Variants in KMT2B observed in about 807,000 individuals in gnomAD.
The protein encoded by KMT2B is histone-lysine N-methyltransferase 2B.
KMT2B carries 22 observed loss-of-function variants against 255.3 expected under a neutral mutation model. The observed-to-expected ratio is 0.09, with a 90% CI of 0.06 to 0.12. The LOEUF (loss-of-function observed/expected upper bound fraction) is 0.12. Ranked by LOEUF, KMT2B falls within the 10% of genes least tolerant of loss-of-function variation. The pLI, the probability that KMT2B is intolerant of heterozygous loss-of-function variation, is 1.00. For synonymous variants in KMT2B, 1,730 were observed against 1,498.1 expected, an observed-to-expected ratio of 1.15 and a Z score of -3.57; for missense variants, 3,149 against 3,737.0, an observed-to-expected ratio of 0.84 and a Z score of 4.10.
At position 35,720,088 on chromosome 19, in the gene KMT2B, C is replaced by T. The variant is rs752385165; in HGVS notation, c.741C>T (p.Ile247=). 1.2e-5 allele frequency: 20 copies of T among 1,604,066 alleles called. No homozygotes were observed. In the East Asian group the frequency reaches 3.6e-4, roughly 29 times the overall value. Residue 247 remains isoleucine, a synonymous_variant, in exon 3 of 37, where the codon ATC becomes ATT. Coordinates refer to ENST00000420124, the MANE Select transcript of KMT2B (RefSeq NM_014727.3). Reference sequence around the variant, plus strand: ...TGGTGGCAGAAGCAGCTGTGACAATCCCCAAACCTGAGCCCCCACCTCCTG... The same window carrying T: ...TGGTGGCAGAAGCAGCTGTGACAATTCCCAAACCTGAGCCCCCACCTCCTG... ...AVVVAEAAVT[I]PKPEPPPPVV... is the part of the protein sequence containing the mutation.
In KMT2B at chr19:35,721,161, G is replaced by A; in HGVS notation, c.1814G>A (p.Arg605Lys). The change falls in exon 3 of 37, where the codon AGG becomes AAG. Residue 605 changes from arginine (R) to lysine (K), a missense_variant. Arg to Lys is a conservative substitution (Grantham distance 26). Transcript: ENST00000420124. ...PLPEKRRSIL[R>K]EPTFRWTSLT... is the part of the protein sequence containing the mutation. ...CCTGAGAAGAGACGGTCCATCCTAAGGGAACCCACATTTCGCTGGACCTCA... is the reference window on the plus strand; with the variant it reads ...CCTGAGAAGAGACGGTCCATCCTAAAGGAACCCACATTTCGCTGGACCTCA... The A allele has an allele frequency of 1.3e-6, 2 of 1,583,282 alleles. No individual in the cohort carries two copies. The highest frequency in any genetic ancestry group is 1.7e-6 in the Non-Finnish European group (2 of 1,166,310).
At chr19:35,726,680 C>A (rs1319252388) in intron 14 of KMT2B, among the ~76,000 whole-genome samples, 1 of 152,120 alleles carries the variant, frequency 6.6e-6, no homozygotes, top group Non-Finnish European at 1.5e-5. Flanking sequence ...TCTGCAGAGT[C>A]TGAAAAGAGG....
In KMT2B at chr19:35,732,353, C is replaced by A. The variant is rs888916696; in HGVS notation, c.5804C>A (p.Thr1935Asn). 2.7e-5 allele frequency: 43 copies of A among 1,612,170 alleles called. No homozygotes were observed. The highest frequency in any genetic ancestry group is 3.6e-5 in the Non-Finnish European group (42 of 1,179,224). Residue 1935 changes from threonine to asparagine, a missense_variant, in exon 28 of 37, where the codon ACC (threonine) becomes AAC (asparagine). Transcript: ENST00000420124. ...CGGTGGGCCTCCCCTCCTCTAAAAA[C>A]CTCCCCTCAGCTCAGGGTGCCCCCT... ...PSRWASPPLKTSPQLRVPPPT... is the reference protein window; with the variant it reads ...PSRWASPPLKNSPQLRVPPPT...
In KMT2B at chr19:35,735,521, T is replaced by G. The variant is rs77487531; in HGVS notation, c.7160-1169T>G. ...CGGGACCCTGGCCTTGACTTCTGTG[T>G]ATGCTCACTCCCAGGGGCTCCCTTC... On this transcript the variant is annotated intron_variant, in intron 30 of 36. Transcript: ENST00000420124. 7.8e-3 allele frequency: 1,191 copies of G among 152,638 alleles called. 9 individuals are homozygous for G. Among genetic ancestry groups the G allele is most frequent in the Non-Finnish European group, 0.013 (910 of 68,294 alleles). The allele number at this position is 152,638 out of a possible 1,614,324, so 9.5% of individuals were successfully genotyped here.
Position 35,729,069 on chromosome 19 carries a change from A to G in KMT2B, c.4772A>G (p.Asp1591Gly). Reference sequence around the variant, plus strand: ...CTCTGCCTCAAATACGGGGATGCAGACTCCAAGGTGAGGGCTGCTCTGTGA... The same window carrying G: ...CTCTGCCTCAAATACGGGGATGCAGGCTCCAAGGTGAGGGCTGCTCTGTGA... ...CALCLKYGDA[D>G]SKEAGRLLYI... Residue 1591 changes from aspartate to glycine, a missense_variant, in exon 21 of 37, where the codon GAC becomes GGC. Asp to Gly is a moderately conservative substitution (Grantham distance 94). Transcript: ENST00000420124. 6.2e-7 allele frequency: 1 copy of G among 1,613,662 alleles called. No individual in the cohort carries two copies. Among genetic ancestry groups the G allele is most frequent in the African/African-American group, 1.3e-5 (1 of 74,910 alleles).
At chr19:35,719,377 G>C in intron 1 of KMT2B, 92 bp from the exon 2 acceptor site, 1 of 889,626 alleles carries the variant, frequency 1.1e-6, no homozygotes, top group South Asian at 1.6e-5. Flanking sequence ...TATGCTAAGT[G>C]GGAACTGGGG....
At position 35,733,543 on chromosome 19, in the gene KMT2B, A is replaced by T. The variant is rs116827737; in HGVS notation, c.6959+35A>T. On this transcript the variant is annotated intron_variant, in intron 28 of 36. Coordinates refer to ENST00000420124, the MANE Select transcript of KMT2B (RefSeq NM_014727.3). The surrounding 1 kb of genome is among the most constrained non-coding windows in gnomAD (Gnocchi z 4.3). Reference sequence around the variant, plus strand: ...GGTGCTGAGGCTGGCAGAGCAGGCAAGGGGGCAGATGGGCGGGAGATGCGG... The same window carrying T: ...GGTGCTGAGGCTGGCAGAGCAGGCATGGGGGCAGATGGGCGGGAGATGCGG... The T allele has an allele frequency of 8.4e-6, 13 of 1,554,654 alleles. No individual in the cohort carries two copies. The highest frequency in any genetic ancestry group is 9.6e-6 in the Non-Finnish European group (11 of 1,149,032).
rs1199229061 is a variant in KMT2B at position 35,723,139 on chromosome 19, A to T, written c.2867A>T (p.His956Leu). The T allele has an allele frequency of 4.3e-6, 7 of 1,613,388 alleles. No individual in the cohort carries two copies. The highest frequency in any genetic ancestry group is 5.9e-6 in the Non-Finnish European group (7 of 1,179,874). Residue 956 changes from histidine (H) to leucine (L), a missense_variant, in exon 6 of 37, where the codon CAT (histidine) becomes CTT (leucine). His to Leu is a moderately conservative substitution (Grantham distance 99, BLOSUM62 -3). Transcript: ENST00000420124. This position sits in a 1 kb window ranked among gnomAD's most constrained non-coding sequence, Gnocchi z 7.5. ...ACACCCCGGCGCTCACTGCCCTCCC[A>T]TCACGGCAAGAAGATGCGCATGGCT... ...AHTPRRSLPSHHGKKMRMARC... is the reference protein window; with the variant it reads ...AHTPRRSLPSLHGKKMRMARC...
rs545879149 is a variant in KMT2B at position 35,737,582 on chromosome 19, C to T, written c.7551-54C>T. 6 of 1,187,134 alleles carry T rather than the reference C, an allele frequency of 5.1e-6. No homozygotes were observed. The Admixed American group carries it at 1.5e-4, about 30-fold the overall frequency. The allele number at this position is 1,187,134 out of a possible 1,614,324, so 73.5% of individuals were successfully genotyped here. A position where few individuals can be genotyped will look rare whatever the true frequency, so the allele number is the denominator to read the frequency against. On this transcript the variant is annotated intron_variant, in intron 33 of 36. Coordinates refer to ENST00000420124, the MANE Select transcript of KMT2B (RefSeq NM_014727.3). The surrounding 1 kb of genome is among the most constrained non-coding windows in gnomAD (Gnocchi z 5.3). Reference sequence around the variant, plus strand: ...AGAAAAATGAACCCCACCCATTTCCCTGTTAGCTCTGTCTTCAACAGTATA... The same window carrying T: ...AGAAAAATGAACCCCACCCATTTCCTTGTTAGCTCTGTCTTCAACAGTATA...
rs749549494 is a variant in KMT2B, at chr19:35,721,137, C to T, written c.1790C>T (p.Pro597Leu). 1.9e-5 allele frequency: 31 copies of T among 1,604,738 alleles called. No individual in the cohort carries two copies. Among genetic ancestry groups the T allele is most frequent in the East Asian group, 4.5e-5 (2 of 44,148 alleles). ...CCTCCATCTACCCCAGTTCCACTCCCTGAGAAGAGACGGTCCATCCTAAGG... is the reference window on the plus strand; with the variant it reads ...CCTCCATCTACCCCAGTTCCACTCCTTGAGAAGAGACGGTCCATCCTAAGG... ...PTPPSTPVPL[P>L]EKRRSILREP... Residue 597 changes from proline (P) to leucine (L), a missense_variant, in exon 3 of 37, where the codon CCT (proline) becomes CTT (leucine). Around this residue, in one of 18 missense-constraint regions of KMT2B, gnomAD observed 1,188 missense variants for 1,106.4 expected, o/e 1.07. Transcript: ENST00000420124.
Position 35,732,340 on chromosome 19 carries a change from C to G in KMT2B, c.5791C>G (p.Pro1931Ala), listed in dbSNP as rs760950198. ...GCCGCCTCCATCACGGTGGGCCTCC[C>G]CTCCTCTAAAAACCTCCCCTCAGCT... The part of the protein sequence containing the change: ...PRPPPSRWAS[P>A]PLKTSPQLRV... Residue 1931 changes from proline to alanine, a missense_variant, in exon 28 of 37, where the codon CCT becomes GCT. Around this residue, in one of 18 missense-constraint regions of KMT2B, gnomAD observed 897 missense variants for 825.3 expected, o/e 1.09. Coordinates refer to ENST00000420124, the MANE Select transcript of KMT2B (RefSeq NM_014727.3). 6.2e-7 allele frequency: 1 copy of G among 1,611,536 alleles called. No individual in the cohort carries two copies. Among genetic ancestry groups the G allele is most frequent in the Admixed American group, 1.7e-5 (1 of 59,714 alleles).
In KMT2B at chr19:35,728,089, A is replaced by C. The variant is rs1599685738; in HGVS notation, c.4498-9A>C. The C allele has an allele frequency of 6.3e-7, 1 of 1,590,712 alleles. No individual in the cohort carries two copies. Among genetic ancestry groups the C allele is most frequent in the East Asian group, 2.3e-5 (1 of 43,438 alleles). ...CTGGCTCTTCTCATCCTGTTAACCC[A>C]CTCCCCAGCTGCTAGAATCTGCGTT... On this transcript the variant is annotated splice_polypyrimidine_tract_variant and intron_variant, in intron 18 of 36. Coordinates refer to ENST00000420124, the MANE Select transcript of KMT2B (RefSeq NM_014727.3).
intron 3 of KMT2B, 94 bp downstream of exon 3, chr19:35,721,898 G>T: frequency 7.0e-7 from 1 of 1,428,334 alleles, no homozygotes; most frequent in Non-Finnish European, 9.2e-7. Context: ...ACACTTTCCA[G>T]CATTGCGGGG....
rs2146429185 is a variant in KMT2B, at chr19:35,718,288, G to GCGGGGCCGGGGACGGGGT, written c.282_299dup (p.Arg95_Gly100dup). On this transcript the variant is annotated inframe_insertion, in exon 1 of 37. Coordinates refer to ENST00000420124, the MANE Select transcript of KMT2B (RefSeq NM_014727.3). This position sits in a 1 kb window ranked among gnomAD's most constrained non-coding sequence, Gnocchi z 5.0. Reference sequence around the variant, plus strand: ...GCCTGTGGGCCGGCCCGCGGGTCCAGCGGGGCCGGGGACGGGGTCGGGGCC... The same window carrying GCGGGGCCGGGGACGGGGT: ...GCCTGTGGGCCGGCCCGCGGGTCCAGCGGGGCCGGGGACGGGGTCGGGGCCGGGGACGGGGTCGGGGCC... The GCGGGGCCGGGGACGGGGT allele has an allele frequency of 1.6e-6, 2 of 1,225,666 alleles. No homozygotes were observed. The highest frequency in any genetic ancestry group is 3.3e-5 in the East Asian group (1 of 30,154). The allele number at this position is 1,225,666 out of a possible 1,614,324, so 75.9% of individuals were successfully genotyped here.
intron 21 of KMT2B, 39 bp downstream of exon 21, chr19:35,729,115 G>C: frequency 6.2e-7 from 1 of 1,613,984 alleles, no homozygotes; most frequent in Non-Finnish European, 8.5e-7. Context: ...TGTGGGGCCT[G>C]TTCCCTGGCC....
Position 35,731,140 on chromosome 19 carries a change from C to G in KMT2B, c.5437+273C>G, listed in dbSNP as rs979887091. Among the ~76,000 whole-genome samples the G allele has an allele frequency of 3.4e-4, 52 of 152,206 alleles. 1 individual carries two copies. The highest frequency in any genetic ancestry group is 3.4e-3 in the Admixed American group (52 of 15,278). On this transcript the variant is annotated intron_variant, in intron 26 of 36. Coordinates refer to ENST00000420124, the MANE Select transcript of KMT2B (RefSeq NM_014727.3). Reference sequence around the variant, plus strand: ...CAGGGAGTAGAGTGCTTACAGCTCCCTAACTTGGGGCACTGTGCTCATGGA... The same window carrying G: ...CAGGGAGTAGAGTGCTTACAGCTCCGTAACTTGGGGCACTGTGCTCATGGA...
At position 35,732,688 on chromosome 19, in the gene KMT2B, C is replaced by T. The variant is rs1358425767; in HGVS notation, c.6139C>T (p.Leu2047=). ...TGTGACTGTGGTGTCCGCCCCTGGT[C>T]TGGCCCCCAGCGCTACCCCTGGAGC... ...FPVTVVSAPG[L]APSATPGAPR... Residue 2047 remains leucine, a synonymous_variant, in exon 28 of 37, where the codon CTG becomes TTG. Transcript: ENST00000420124. The T allele has an allele frequency of 6.2e-7, 1 of 1,608,988 alleles. No individual in the cohort carries two copies. The highest frequency in any genetic ancestry group is 2.2e-5 in the East Asian group (1 of 44,672).
Position 35,723,826 on chromosome 19 carries a change from TG to T in KMT2B, c.3159del (p.Arg1055GlyfsTer127). On this transcript the variant is annotated frameshift_variant, in exon 8 of 37. Transcript: ENST00000420124. LOFTEE classifies it high-confidence loss of function. The surrounding 1 kb of genome is among the most constrained non-coding windows in gnomAD (Gnocchi z 7.5). Reference sequence around the variant, plus strand: ...CAGGCCCACGCCGGGGGGCGGGAGCTGGGGGGCCCCGGGAGGAGGTGGTGGC... The same window carrying T: ...CAGGCCCACGCCGGGGGGCGGGAGCTGGGGGCCCCGGGAGGAGGTGGTGGC... ...PPGPRRGAGAGGPREEVVAHP... is the reference protein window; with the variant it reads ...PPGPRRGAGAXGPREEVVAHP... 1 of 1,595,802 alleles carries T rather than the reference TG, an allele frequency of 6.3e-7. No individual in the cohort carries two copies. Among genetic ancestry groups the T allele is most frequent in the Non-Finnish European group, 8.5e-7 (1 of 1,170,790 alleles).
rs1331677016 is a variant in KMT2B at position 35,730,588 on chromosome 19, G to A, written c.5248G>A (p.Glu1750Lys). The A allele has an allele frequency of 5.6e-6, 9 of 1,613,888 alleles. No homozygotes were observed. Among genetic ancestry groups the A allele is most frequent in the African/African-American group, 2.7e-5 (2 of 74,934 alleles). ...LGTLSDLSDC[E>K]GRLFPIGYQC... Reference sequence around the variant, plus strand: ...TACTCTGTCTGATCTCTCGGACTGCGAGGGACGGCTCTTCCCCATTGGCTA... The same window carrying A: ...TACTCTGTCTGATCTCTCGGACTGCAAGGGACGGCTCTTCCCCATTGGCTA... The change falls in exon 25 of 37, where the codon GAG (glutamate) becomes AAG (lysine). Residue 1750 changes from glutamate (E) to lysine (K), a missense_variant. Transcript: ENST00000420124.
Sources: gnomAD v4.1 joint callset for allele counts (sites outside exome capture counted in the v4.1 genomes callset) on GRCh38, gnomAD v4.1.1 for gene constraint, gnomAD v4.1.1 regional missense constraint, Gnocchi (gnomAD v3.1) non-coding constraint, MANE v1.5 for transcripts, NCBI Gene and HGNC (gene_info 2026-07-23, HGNC 2026-07-21) for gene names.